The following CDH4 variants were observed in gnomAD, a reference collection of about 807,000 sequenced individuals.
CDH4 encodes the protein cadherin-4.
A neutral mutation model predicts 86.0 loss-of-function variants in CDH4; 33 were observed. That is an observed-to-expected ratio of 0.38 (90% CI 0.29 to 0.51). The LOEUF (loss-of-function observed/expected upper bound fraction) is 0.51, where lower values mean the gene tolerates loss of function less well. Ranked by LOEUF, CDH4 falls within the 20% of genes least tolerant of loss-of-function variation. The pLI is 0.86. For synonymous variants in CDH4, 555 were observed against 549.4 expected (o/e 1.01, Z -0.14); for missense variants, 1,114 against 1,307.4 (o/e 0.85, Z 2.28).
chr20:61,707,620 C>T (rs541037142), intron 2 of CDH4, among the ~76,000 whole-genome samples: 20 of 152,338 alleles, frequency 1.3e-4, no homozygotes, highest in African/African-American at 2.9e-4. Flanking sequence ...CCTTCACAAC[C>T]GTGGTCCCCA....
In CDH4 at chr20:61,555,840, T is replaced by C. The variant is rs2086173229; in HGVS notation, c.170-187723T>C. Reference sequence around the variant, plus strand: ...GTCATCAGTATTGCTCCAGGAAACATGATACAATCCCGTTTCTGGCAGGAT... The same window carrying C: ...GTCATCAGTATTGCTCCAGGAAACACGATACAATCCCGTTTCTGGCAGGAT... On this transcript the variant is annotated intron_variant, in intron 2 of 15. Transcript: ENST00000614565. Among the ~76,000 whole-genome samples the C allele has an allele frequency of 1.3e-5, 2 of 152,230 alleles. 1 individual carries two copies. Among genetic ancestry groups the C allele is most frequent in the South Asian group, 4.1e-4 (2 of 4,834 alleles).
At chr20:61,895,582 ACT>A (rs1985066909) in intron 8 of CDH4, among the ~76,000 whole-genome samples, 1 of 152,076 alleles carries the variant, frequency 6.6e-6, no homozygotes, top group Non-Finnish European at 1.5e-5. Flanking sequence ...AGGGGACCAA[ACT>A]CTCTCTGGTG....
At chr20:61,667,334 T>C (rs959554644) in intron 2 of CDH4, among the ~76,000 whole-genome samples, 9 of 152,234 alleles carry the variant, frequency 5.9e-5, no homozygotes, top group Non-Finnish European at 1.2e-4. Context: ...GCAGCATTTC[T>C]ATGCACACCA....
At position 61,525,887 on chromosome 20, in the gene CDH4, G is replaced by A. The variant is rs527562907; in HGVS notation, c.170-217676G>A. 1.5e-4 allele frequency among the ~76,000 whole-genome samples: 23 copies of A among 152,272 alleles called. 1 individual carries two copies. The highest frequency in any genetic ancestry group is 3.4e-3 in the Middle Eastern group (1 of 294). ...TCCTGCTCATAGCCCAGAGAAAAGC[G>A]GAGCCACCGGGAAGGAAATGCCATC... On this transcript the variant is annotated intron_variant, in intron 2 of 15. Transcript: ENST00000614565.
chr20:61,714,023 T>TTATGTTATGTTATGTTATG lies in CDH4; in HGVS notation c.170-29539_170-29538insATGTTATGTTATGTTATGT, dbSNP rs1555828915. Among the ~76,000 whole-genome samples, 206 of 123,904 alleles carry TTATGTTATGTTATGTTATG rather than the reference T, an allele frequency of 1.7e-3. 22 individuals carry two copies. The highest frequency in any genetic ancestry group is 4.9e-3 in the East Asian group (20 of 4,078). The allele number at this position is 123,904 out of a possible 152,430, so 81.3% of individuals were successfully genotyped here. A position where few individuals can be genotyped will look rare whatever the true frequency, so the allele number is the denominator to read the frequency against. ...GTCTTAGTCCATTGTCTATTCTTTT[T>TTATGTTATGTTATGTTATG]TTATTTTATTTTATTTTATTTTATT... On this transcript the variant is annotated intron_variant, in intron 2 of 15. Coordinates refer to ENST00000614565, the MANE Select transcript of CDH4 (RefSeq NM_001794.5).
At chr20:61,561,427 C>T (rs1442652475) in intron 2 of CDH4, among the ~76,000 whole-genome samples, 1 of 152,234 alleles carries the variant, frequency 6.6e-6, no homozygotes, top group Non-Finnish European at 1.5e-5. Flanking sequence ...ATGGCGGGTG[C>T]AGGCCAAGCC....
chr20:61,410,432 C>G (rs935877096), intron 2 of CDH4, among the ~76,000 whole-genome samples: 1 of 130,122 alleles, frequency 7.7e-6, no homozygotes, highest in Non-Finnish European at 1.7e-5. Flanking sequence ...TTCCATTCCT[C>G]CCACTGGTCC....
intron 9 of CDH4, among the ~76,000 whole-genome samples, chr20:61,919,923 CGTG>C (rs1209698398): frequency 6.5e-4 from 3 of 4,584 alleles, no homozygotes; most frequent in Admixed American, 3.4e-3. Context: ...TATGTGGAAG[CGTG>C]GTGTCACGGT....
intron 15 of CDH4, among the ~76,000 whole-genome samples, chr20:61,935,102 G>T (rs1045111208): frequency 2.0e-5 from 3 of 152,124 alleles, no homozygotes; most frequent in African/African-American, 7.2e-5. Context: ...CTCGCCTGTG[G>T]CTCTGCAGGG....
rs556573681 is a variant in CDH4 at position 61,597,357 on chromosome 20, C to T, written c.170-146206C>T. On this transcript the variant is annotated intron_variant, in intron 2 of 15. Transcript: ENST00000614565. ...TTTTCCTTGGCATCTTTGCAAGCCCCGCTCACCTTGGGGTATACAAGGATT... is the reference window on the plus strand; with the variant it reads ...TTTTCCTTGGCATCTTTGCAAGCCCTGCTCACCTTGGGGTATACAAGGATT... Among the ~76,000 whole-genome samples the T allele has an allele frequency of 1.3e-3, 192 of 152,326 alleles. 2 individuals are homozygous for T. Among genetic ancestry groups the T allele is most frequent in the South Asian group, 1.0e-2 (48 of 4,824 alleles).
chr20:61,727,881 T>C (rs1207602532), intron 2 of CDH4, among the ~76,000 whole-genome samples: 1 of 152,198 alleles, frequency 6.6e-6, no homozygotes, highest in Non-Finnish European at 1.5e-5. Flanking sequence ...GGATCCAATT[T>C]CCACAAGACT....
chr20:61,867,608 G>A (rs1983610185), intron 6 of CDH4, among the ~76,000 whole-genome samples: 1 of 151,658 alleles, frequency 6.6e-6, no homozygotes, highest in African/African-American at 2.4e-5. Context: ...GTAAAGTGGG[G>A]GATTCCTGGG....
intron 2 of CDH4, among the ~76,000 whole-genome samples, chr20:61,572,995 CGG>C (rs2086353992): frequency 2.1e-5 from 3 of 143,872 alleles, no homozygotes; most frequent in Non-Finnish European, 3.0e-5. Flanking sequence ...GATAGACGGA[CGG>C]ACGGATGGAT....
intron 15 of CDH4, among the ~76,000 whole-genome samples, chr20:61,935,090 G>C (rs1374098942): frequency 6.6e-6 from 1 of 152,218 alleles, no homozygotes; most frequent in Non-Finnish European, 1.5e-5. Context: ...CTCCAGACTG[G>C]CCTCGCCTGT....
At chr20:61,330,490 T>G (rs903040687) in intron 2 of CDH4, among the ~76,000 whole-genome samples, 2 of 152,240 alleles carry the variant, frequency 1.3e-5, no homozygotes, top group African/African-American at 2.4e-5. Flanking sequence ...AGGTTGTCCC[T>G]TGTGATGGTT....
rs980347180 is a variant in CDH4, at chr20:61,347,854, C to T, written c.169+92917C>T. Among the ~76,000 whole-genome samples, 10 of 152,294 alleles carry T rather than the reference C, an allele frequency of 6.6e-5. No homozygotes were observed. In the Middle Eastern group the frequency reaches 0.01, roughly 155 times the overall value. ...CCCACAAACCAGGTGGGAAGCATGG[C>T]GTTTGAACCGTGCCTGGAATATCAG... On this transcript the variant is annotated intron_variant, in intron 2 of 15. Coordinates refer to ENST00000614565, the MANE Select transcript of CDH4 (RefSeq NM_001794.5).
chr20:61,601,962 G>A (rs905852365), intron 2 of CDH4, among the ~76,000 whole-genome samples: 10 of 152,192 alleles, frequency 6.6e-5, no homozygotes, highest in South Asian at 6.2e-4. Context: ...GCAGGACACC[G>A]TCTGCCCTGA....
chr20:61,844,966 G>A lies in CDH4; in HGVS notation c.732+143G>A, dbSNP rs80292294. 6.7e-3 allele frequency: 5,735 copies of A among 857,836 alleles called. 213 individuals are homozygous for A. In the East Asian group the frequency reaches 0.098, roughly 15 times the overall value. The allele number at this position is 857,836 out of a possible 1,614,324, so 53.1% of individuals were successfully genotyped here. A position where few individuals can be genotyped will look rare whatever the true frequency, so the allele number is the denominator to read the frequency against. ...AACTTTGGCCTGGAGCAGAATCCTG[G>A]GAAGCTGGGGAAAGCCCAGGTCGCT... On this transcript the variant is annotated intron_variant, in intron 5 of 15. Coordinates refer to ENST00000614565, the MANE Select transcript of CDH4 (RefSeq NM_001794.5).
chr20:61,572,040 C>T lies in CDH4; in HGVS notation c.170-171523C>T, dbSNP rs543337005. ...CCTCTGCCTTAGAGCCCAGGCCCTT[C>T]CCGCGTGAGTGAGACAGAAGCAGCC... On this transcript the variant is annotated intron_variant, in intron 2 of 15. Transcript: ENST00000614565. Among the ~76,000 whole-genome samples the T allele has an allele frequency of 5.3e-5, 8 of 152,222 alleles. No homozygotes were observed. The South Asian group carries it at 1.5e-3, about 28-fold the overall frequency.
Sources: allele counts gnomAD v4.1 joint callset (sites outside exome capture counted in the v4.1 genomes callset), GRCh38; gene constraint gnomAD v4.1.1; transcripts MANE v1.5; gene names NCBI Gene and HGNC (gene_info 2026-07-23, HGNC 2026-07-21).